The following CYRIB variants were observed in gnomAD, a reference collection of about 807,000 sequenced individuals.
CYRIB encodes CYFIP related Rac1 interactor B.
In CYRIB, 8 loss-of-function variants were observed where a neutral mutation model predicts 44.2. The ratio of observed to expected loss-of-function variants is 0.18; its 90% CI spans 0.11 to 0.33. The LOEUF (loss-of-function observed/expected upper bound fraction) is 0.33. Among genes scored for constraint, CYRIB ranks in the 10% least tolerant of loss-of-function variants. The pLI, the probability that CYRIB is intolerant of heterozygous loss-of-function variation, is 1.00. For synonymous variants in CYRIB, 131 were observed against 127.2 expected, an observed-to-expected ratio of 1.03 and a Z score of -0.20; for missense variants, 185 against 382.8, an observed-to-expected ratio of 0.48 and a Z score of 4.31.
intron 1 of CYRIB, among the ~76,000 whole-genome samples, chr8:129,920,902 GAC>G (rs2083233052): frequency 6.6e-6 from 1 of 152,112 alleles, no homozygotes; most frequent in South Asian, 2.1e-4. Flanking sequence ...TTGAACAAGA[GAC>G]AAAATTTTAG....
In CYRIB at chr8:129,873,876, C is replaced by T. The variant is rs75920038; in HGVS notation, c.74-2380G>A. Among the ~76,000 whole-genome samples, 593 of 151,956 alleles carry T rather than the reference C, an allele frequency of 3.9e-3. 13 individuals carry two copies. In the East Asian group the frequency reaches 0.058, roughly 15 times the overall value. ...TTAGGGTGAGAAAAACACCCAGCAC[C>T]ACAATGATTAAACATTTTTTAGACT... On this transcript the variant is annotated intron_variant, in intron 3 of 11. Coordinates refer to ENST00000519824, the Ensembl canonical transcript of CYRIB.
In CYRIB at chr8:129,876,497, G is replaced by A. The variant is rs573437233; in HGVS notation, c.73+2892C>T. On this transcript the variant is annotated intron_variant, in intron 3 of 11. Transcript: ENST00000519824. ...CCAGCACCTACTGGCTGGTATACAG[G>A]AGGCAAGGCATAAATGTATGTTGAA... is the stretch of plus-strand genomic sequence containing the variant. 5.3e-5 allele frequency among the ~76,000 whole-genome samples: 8 copies of A among 152,278 alleles called. No homozygotes were observed. The East Asian group carries it at 1.5e-3, about 29-fold the overall frequency.
intron 2 of CYRIB, among the ~76,000 whole-genome samples, chr8:129,884,108 A>T (rs1186008095): frequency 2.6e-5 from 4 of 152,072 alleles, no homozygotes; most frequent in Non-Finnish European, 4.4e-5. Context: ...TTCATTCCCG[A>T]GTTCCAGCTG....
intron 1 of CYRIB, among the ~76,000 whole-genome samples, chr8:129,980,467 G>T (rs552497699): frequency 2.6e-5 from 4 of 152,236 alleles, no homozygotes; most frequent in African/African-American, 9.6e-5. Context: ...ACGCAGTCTT[G>T]TTTTTCAAGA....
chr8:129,968,634 T>A (rs527301051), intron 2 of CYRIB, among the ~76,000 whole-genome samples: 11 of 152,320 alleles, frequency 7.2e-5, no homozygotes, highest in African/African-American at 2.2e-4. Context: ...CAGTAGAGGT[T>A]TCCATGGTAC....
At chr8:129,991,969 A>AGAG (rs2096646967) in intron 1 of CYRIB, among the ~76,000 whole-genome samples, 1 of 131,982 alleles carries the variant, frequency 7.6e-6, no homozygotes, top group Non-Finnish European at 1.7e-5. Context: ...AAAAAAAAAA[A>AGAG]AAACAATAGG....
intron 1 of CYRIB, among the ~76,000 whole-genome samples, chr8:129,979,437 T>C (rs1297142356): frequency 1.3e-5 from 2 of 152,176 alleles, no homozygotes; most frequent in African/African-American, 4.8e-5. Context: ...CAAACTGTCT[T>C]CTCCGAGACT....
In CYRIB at chr8:129,849,380, G is replaced by A; in HGVS notation, c.714-11C>T. On this transcript the variant is annotated splice_polypyrimidine_tract_variant and intron_variant, in intron 9 of 11. Coordinates refer to ENST00000519824, the Ensembl canonical transcript of CYRIB. ...CTGCTTCTGTATTCCCTGAAGAGTA[G>A]ATAAGATATGCATGGAAGAAGTGCA... 6.3e-7 allele frequency: 1 copy of A among 1,597,384 alleles called. No individual in the cohort carries two copies. Among genetic ancestry groups the A allele is most frequent in the East Asian group, 2.2e-5 (1 of 44,730 alleles).
At chr8:129,921,475 T>TTACAAGGTC (rs1373244080) in intron 1 of CYRIB, among the ~76,000 whole-genome samples, 2 of 152,176 alleles carry the variant, frequency 1.3e-5, no homozygotes, top group Non-Finnish European at 2.9e-5. Flanking sequence ...CCGAGACCTT[T>TTACAAGGTC]TACAAGGTCT....
intron 4 of CYRIB, among the ~76,000 whole-genome samples, chr8:129,863,198 C>T (rs897181540): frequency 4.6e-5 from 7 of 152,150 alleles, no homozygotes; most frequent in Non-Finnish European, 1.5e-5. Flanking sequence ...AAACTACCTA[C>T]GACTTAAGAA....
At chr8:129,850,987 G>A in intron 8 of CYRIB, 73 bp from the exon 11 acceptor site, 1 of 999,896 alleles carries the variant, frequency 1.0e-6, no homozygotes, top group Non-Finnish European at 1.5e-6. Flanking sequence ...TTAAAATTTA[G>A]CGTAATATGA....
chr8:129,869,779 A>G (rs937730726), intron 4 of CYRIB, among the ~76,000 whole-genome samples: 1 of 152,208 alleles, frequency 6.6e-6, no homozygotes. Context: ...TAAGTTTACA[A>G]TGTACTAGGT....
intron 11 of CYRIB, among the ~76,000 whole-genome samples, chr8:129,843,491 G>T (rs1324147788): frequency 6.6e-6 from 1 of 152,238 alleles, no homozygotes; most frequent in African/African-American, 2.4e-5. Flanking sequence ...TGTTCAATGC[G>T]TGAATGTGGA....
Position 129,860,477 on chromosome 8 carries a change from ATAAC to A in CYRIB, c.301+1748_301+1751del, listed in dbSNP as rs371742186. Among the ~76,000 whole-genome samples, 1,284 of 152,322 alleles carry A rather than the reference ATAAC, an allele frequency of 8.4e-3. 15 individuals carry two copies. The highest frequency in any genetic ancestry group is 0.029 in the African/African-American group (1,225 of 41,560). On this transcript the variant is annotated intron_variant, in intron 5 of 11. Transcript: ENST00000519824. ...TTGATTGAAAGACAAATACTGTAAA[ATAAC>A]TAATACTAAAATTGGGAAAATAAAT... is the stretch of plus-strand genomic sequence containing the variant.
intron 1 of CYRIB, among the ~76,000 whole-genome samples, chr8:129,991,716 G>A (rs1219905724): frequency 3.4e-5 from 5 of 148,318 alleles, no homozygotes; most frequent in Non-Finnish European, 6.0e-5. Context: ...TTGGGAGGCC[G>A]AGGCAGGCAG....
At chr8:129,929,443 T>C (rs1277525848) in intron 1 of CYRIB, among the ~76,000 whole-genome samples, 1 of 152,184 alleles carries the variant, frequency 6.6e-6, no homozygotes, top group African/African-American at 2.4e-5. Flanking sequence ...ATGGTAATGG[T>C]TGCAAAGCTG....
chr8:130,014,490 A>G (rs953589137), intron 1 of CYRIB, among the ~76,000 whole-genome samples: 3 of 152,144 alleles, frequency 2.0e-5, no homozygotes, highest in African/African-American at 7.2e-5. Context: ...GCTGCACAGA[A>G]GGGTCTGCAC....
At chr8:130,007,394 T>C (rs1326514846) in intron 1 of CYRIB, among the ~76,000 whole-genome samples, 1 of 152,244 alleles carries the variant, frequency 6.6e-6, no homozygotes, top group Non-Finnish European at 1.5e-5. Flanking sequence ...CTGCTTTTTA[T>C]CAGCCTCCAG....
intron 2 of CYRIB, among the ~76,000 whole-genome samples, chr8:129,946,819 A>C (rs1427572592): frequency 6.6e-6 from 1 of 152,174 alleles, no homozygotes; most frequent in African/African-American, 2.4e-5. Context: ...CTGCAGGAAG[A>C]AAAAAGGGTG....
Sources: allele counts gnomAD v4.1 joint callset (sites outside exome capture counted in the v4.1 genomes callset), GRCh38; gene constraint gnomAD v4.1.1; transcripts MANE v1.5; gene names NCBI Gene and HGNC (gene_info 2026-07-23, HGNC 2026-07-21).